TRAPPC9: variants seen among roughly 807,000 people sequenced by gnomAD.
TRAPPC9 encodes the protein IKK2 binding protein.
A neutral mutation model predicts 124.0 loss-of-function variants in TRAPPC9; 83 were observed. That is an observed-to-expected ratio of 0.67 (90% confidence interval 0.56 to 0.80). The LOEUF is 0.80. Among genes scored for constraint, TRAPPC9 ranks in the 30% least tolerant of loss-of-function variants. TRAPPC9 has a pLI of 0.00. For missense variants in TRAPPC9, 1,302 were observed against 1,508.3 expected, an observed-to-expected ratio of 0.86 and a Z score of 2.27; for synonymous variants, 638 against 617.5, an observed-to-expected ratio of 1.03 and a Z score of -0.49.
At chr8:140,282,459 C>T (rs13255843) in intron 14 of TRAPPC9, among the ~76,000 whole-genome samples, 47,833 of 149,550 alleles carry the variant, frequency 0.32, 8,301 homozygotes, top group African/African-American at 0.43. Flanking sequence ...GCCGAGATTG[C>T]GCCACTGCAC....
intron 17 of TRAPPC9, among the ~76,000 whole-genome samples, chr8:140,140,856 A>T (rs1175086633): frequency 6.6e-6 from 1 of 151,848 alleles, no homozygotes; most frequent in African/African-American, 2.4e-5. Context: ...TTCTGCTACA[A>T]TCACCACCCC....
At chr8:139,986,104 G>A (rs752183086) in intron 19 of TRAPPC9, among the ~76,000 whole-genome samples, 6 of 152,124 alleles carry the variant, frequency 3.9e-5, no homozygotes, top group East Asian at 3.9e-4. Flanking sequence ...TTAGCCGGGC[G>A]TGGTGGCAGG....
At chr8:140,220,707 A>G (rs1228649448) in intron 17 of TRAPPC9, among the ~76,000 whole-genome samples, 1 of 152,194 alleles carries the variant, frequency 6.6e-6, no homozygotes, top group Non-Finnish European at 1.5e-5. Context: ...ACTCACAAGC[A>G]TCTTGGCCAA....
At chr8:140,350,249 T>TGTATTCAGCG (rs2067514892) in intron 9 of TRAPPC9, among the ~76,000 whole-genome samples, 3 of 152,076 alleles carry the variant, frequency 2.0e-5, no homozygotes, top group Non-Finnish European at 2.9e-5. Context: ...ATTTTTGGTC[T>TGTATTCAGCG]CCTGTATTCA....
intron 18 of TRAPPC9, among the ~76,000 whole-genome samples, chr8:140,014,977 T>C (rs1438083864): frequency 3.9e-5 from 6 of 152,136 alleles, no homozygotes; most frequent in African/African-American, 1.4e-4. Context: ...TAAGAAAAAC[T>C]GCAGAAATTA....
In TRAPPC9 at chr8:140,132,573, A is replaced by T. The variant is rs1463420485; in HGVS notation, c.2556+88886T>A. 2.0e-5 allele frequency among the ~76,000 whole-genome samples: 3 copies of T among 152,110 alleles called. No individual in the cohort carries two copies. The East Asian group carries it at 5.8e-4, about 29-fold the overall frequency. Reference sequence around the variant, plus strand: ...CAGAGCTTGACACAAACACAGAACAAACAGCAGTCCCCACGCAGACGGCGG... The same window carrying T: ...CAGAGCTTGACACAAACACAGAACATACAGCAGTCCCCACGCAGACGGCGG... On this transcript the variant is annotated intron_variant, in intron 17 of 22. Coordinates refer to ENST00000438773, the MANE Select transcript of TRAPPC9 (RefSeq NM_001160372.4).
chr8:140,108,924 A>AT (rs1262048640), intron 17 of TRAPPC9, among the ~76,000 whole-genome samples: 1 of 152,146 alleles, frequency 6.6e-6, no homozygotes, highest in African/African-American at 2.4e-5. Flanking sequence ...GAGGGGAGAT[A>AT]TTTTTTCTTT....
At chr8:140,298,795 C>T (rs988294178) in intron 11 of TRAPPC9, among the ~76,000 whole-genome samples, 3 of 152,200 alleles carry the variant, frequency 2.0e-5, no homozygotes, top group East Asian at 1.9e-4. Flanking sequence ...ACTTAAACGT[C>T]GTGAATCAGT....
intron 15 of TRAPPC9, among the ~76,000 whole-genome samples, chr8:140,274,645 A>G (rs190262212): frequency 6.6e-6 from 1 of 152,320 alleles, no homozygotes; most frequent in Admixed American, 6.5e-5. Context: ...CTCTCATGAC[A>G]TAATTCTTTG....
At chr8:140,005,174 C>G (rs1207583940) in intron 18 of TRAPPC9, among the ~76,000 whole-genome samples, 2 of 152,212 alleles carry the variant, frequency 1.3e-5, no homozygotes, top group African/African-American at 4.8e-5. Flanking sequence ...GACTACCTAT[C>G]TACCAGATCA....
intron 7 of TRAPPC9, among the ~76,000 whole-genome samples, chr8:140,391,245 C>T (rs187923311): frequency 3.3e-5 from 5 of 152,302 alleles, no homozygotes; most frequent in African/African-American, 1.2e-4. Flanking sequence ...TCAAATGGCT[C>T]GGAATCATTC....
intron 19 of TRAPPC9, among the ~76,000 whole-genome samples, chr8:139,987,324 C>G (rs1587420401): frequency 6.6e-6 from 1 of 152,130 alleles, no homozygotes; most frequent in East Asian, 1.9e-4. Flanking sequence ...TAGCCCCAGA[C>G]CTTTTTCCAA....
At chr8:140,192,861 T>G (rs957683375) in intron 17 of TRAPPC9, among the ~76,000 whole-genome samples, 1 of 152,186 alleles carries the variant, frequency 6.6e-6, no homozygotes, top group African/African-American at 2.4e-5. Flanking sequence ...CACTGCAACC[T>G]CCACCTCCCA....
At chr8:139,731,863 C>T (rs1229973771) in intron 22 of TRAPPC9, 116 bp downstream of exon 22, 1 of 965,624 alleles carries the variant, frequency 1.0e-6, no homozygotes, top group Non-Finnish European at 1.6e-6. Flanking sequence ...ACCACAGAAC[C>T]CCTGCTGCTA....
intron 21 of TRAPPC9, among the ~76,000 whole-genome samples, chr8:139,805,205 G>A (rs577914404): frequency 1.5e-4 from 23 of 152,340 alleles, no homozygotes; most frequent in African/African-American, 2.4e-4. Flanking sequence ...TGGAGTAGGC[G>A]TACCCCAGTG....
chr8:140,002,085 T>C (rs2941568), intron 18 of TRAPPC9, among the ~76,000 whole-genome samples: 41,202 of 151,994 alleles, frequency 0.27, 6,825 homozygotes, highest in Non-Finnish European at 0.37. Context: ...GAACATTTTA[T>C]GAGGTCAGCA....
At chr8:140,061,682 G>A (rs896178716) in intron 17 of TRAPPC9, among the ~76,000 whole-genome samples, 2 of 152,212 alleles carry the variant, frequency 1.3e-5, no homozygotes, top group African/African-American at 2.4e-5. Context: ...CTGGGCACTT[G>A]CTCTAATCAC....
At chr8:139,939,868 G>A (rs1178615431) in intron 19 of TRAPPC9, among the ~76,000 whole-genome samples, 2 of 152,218 alleles carry the variant, frequency 1.3e-5, no homozygotes, top group Non-Finnish European at 2.9e-5. Context: ...GCAGAGGCAG[G>A]TGCAGGTCTC....
rs1051344035 is a variant in TRAPPC9 at position 139,907,013 on chromosome 8, C to T, written c.2964+3134G>A. Among the ~76,000 whole-genome samples, 19 of 152,222 alleles carry T rather than the reference C, an allele frequency of 1.2e-4. No homozygotes were observed. Among genetic ancestry groups the T allele is most frequent in the Admixed American group, 7.2e-4 (11 of 15,274 alleles). On this transcript the variant is annotated intron_variant, in intron 20 of 22. Transcript: ENST00000438773. The surrounding 1 kb of genome is among the most constrained non-coding windows in gnomAD (Gnocchi z 4.7). ...GAGATCTCCACCTACTCCTGCCAGGCGTGACCTGAGGGAAGCTCCCATCAG... is the reference window on the plus strand; with the variant it reads ...GAGATCTCCACCTACTCCTGCCAGGTGTGACCTGAGGGAAGCTCCCATCAG...
Sources: gnomAD v4.1 joint callset for allele counts (sites outside exome capture counted in the v4.1 genomes callset) on GRCh38, gnomAD v4.1.1 for gene constraint, Gnocchi (gnomAD v3.1) non-coding constraint, MANE v1.5 for transcripts, NCBI Gene and HGNC (gene_info 2026-07-23, HGNC 2026-07-21) for gene names.